The following NFIX variants were observed in gnomAD, a reference collection of about 807,000 sequenced individuals.
NFIX encodes the protein nuclear factor I X, also known as nuclear factor 1 X-type.
A neutral mutation model predicts 53.3 loss-of-function variants in NFIX; 2 were observed. That is an observed-to-expected ratio of 0.04 (90% CI 0.02 to 0.12). The LOEUF (loss-of-function observed/expected upper bound fraction) is 0.12. NFIX is among the 10% of genes least tolerant of loss of function. The probability of loss-of-function intolerance (pLI) is 1.00; values close to 1 mark genes in which losing one functional copy is unlikely to be tolerated. For missense variants in NFIX, 310 were observed against 674.5 expected, an observed-to-expected ratio of 0.46 and a Z score of 5.99; for synonymous variants, 244 against 289.0, an observed-to-expected ratio of 0.84 and a Z score of 1.58.
chr19:13,027,295 T>A lies in NFIX; in HGVS notation c.559+1743T>A, dbSNP rs2013443091. On this transcript the variant is annotated intron_variant, in intron 2 of 10. Coordinates refer to ENST00000592199, the MANE Select transcript of NFIX (RefSeq NM_001365902.3). The surrounding 1 kb of genome is among the most constrained non-coding windows in gnomAD (Gnocchi z 4.3). The stretch of plus-strand genomic sequence containing the variant: ...CCAGTCATTCCCCCTCCCTTCAGCT[T>A]GAATTTTTTCTTTTGTCTTTTTTCT... 6.6e-6 allele frequency among the ~76,000 whole-genome samples: 1 copy of A among 152,164 alleles called. No homozygotes were observed. Among genetic ancestry groups the A allele is most frequent in the Admixed American group, 6.5e-5 (1 of 15,278 alleles).
chr19:13,094,438 G>A lies in NFIX; in HGVS notation c.1495-197G>A, dbSNP rs2018320902. ...CACTAGGGGCAGAGTCTCTGAGGGG[G>A]CGGGGTTCTCGCAGGAGGGAGGGAG... On this transcript the variant is annotated intron_variant, in intron 10 of 10. Coordinates refer to ENST00000592199, the MANE Select transcript of NFIX (RefSeq NM_001365902.3). The surrounding 1 kb of genome is among the most constrained non-coding windows in gnomAD (Gnocchi z 4.3). Among the ~76,000 whole-genome samples the A allele has an allele frequency of 6.6e-6, 1 of 152,238 alleles. No individual in the cohort carries two copies. The highest frequency in any genetic ancestry group is 1.5e-5 in the Non-Finnish European group (1 of 68,042).
rs757961787 is a variant in NFIX at position 13,090,231 on chromosome 19, G to A, written c.1403-68G>A. On this transcript the variant is annotated intron_variant, in intron 9 of 10. Coordinates refer to ENST00000592199, the MANE Select transcript of NFIX (RefSeq NM_001365902.3). This position sits in a 1 kb window ranked among gnomAD's most constrained non-coding sequence, Gnocchi z 6.6. ...AGTCTCTCCCTCTCTCAGCAGCCCC[G>A]AGGGGCAGTGCCCAGGTGGGCCCCA... 8.5e-5 allele frequency: 123 copies of A among 1,446,770 alleles called. No homozygotes were observed. Among genetic ancestry groups the A allele is most frequent in the South Asian group, 2.5e-4 (22 of 87,694 alleles). The allele number at this position is 1,446,770 out of a possible 1,614,324, so 89.6% of individuals were successfully genotyped here.
intron 2 of NFIX, among the ~76,000 whole-genome samples, chr19:13,026,062 G>A (rs1176154289): frequency 6.6e-6 from 1 of 152,144 alleles, no homozygotes; most frequent in East Asian, 1.9e-4. Flanking sequence ...GTGAAACCCT[G>A]GGATATGAGA....
In NFIX at chr19:13,078,434, G is replaced by A. The variant is rs956603780; in HGVS notation, c.956-179G>A. ...TTGGCTGGCCTACACACAGGGCCTC[G>A]GAACCAGGCCTAGAACAAGGCCTGG... On this transcript the variant is annotated intron_variant, in intron 6 of 10. Transcript: ENST00000592199. This position sits in a 1 kb window ranked among gnomAD's most constrained non-coding sequence, Gnocchi z 4.7. 4.6e-5 allele frequency among the ~76,000 whole-genome samples: 7 copies of A among 152,148 alleles called. No homozygotes were observed. Among genetic ancestry groups the A allele is most frequent in the African/African-American group, 1.7e-4 (7 of 41,426 alleles).
Position 13,006,142 on chromosome 19 carries a change from G to A in NFIX, c.27+10278G>A, listed in dbSNP as rs2012003083. ...GGGAGTGTCCAGTCCTTGAGATGGC[G>A]CTAGGTGCTGTGGGAAGAACAGAGC... On this transcript the variant is annotated intron_variant, in intron 1 of 10. Coordinates refer to ENST00000592199, the MANE Select transcript of NFIX (RefSeq NM_001365902.3). This position sits in a 1 kb window ranked among gnomAD's most constrained non-coding sequence, Gnocchi z 5.6. 6.6e-6 allele frequency among the ~76,000 whole-genome samples: 1 copy of A among 152,218 alleles called. No homozygotes were observed. Among genetic ancestry groups the A allele is most frequent in the Admixed American group, 6.5e-5 (1 of 15,284 alleles).
In NFIX at chr19:13,066,581, G is replaced by A. The variant is rs935290729; in HGVS notation, c.560-6466G>A. Among the ~76,000 whole-genome samples the A allele has an allele frequency of 5.9e-5, 9 of 152,276 alleles. No homozygotes were observed. The highest frequency in any genetic ancestry group is 1.2e-4 in the Non-Finnish European group (8 of 68,014). ...GGAAAGGGGAGAGGACGATAATGGGGTGACATGTTCCCCTGTCCTTATCCC... is the reference window on the plus strand; with the variant it reads ...GGAAAGGGGAGAGGACGATAATGGGATGACATGTTCCCCTGTCCTTATCCC... On this transcript the variant is annotated intron_variant, in intron 2 of 10. Transcript: ENST00000592199. This position sits in a 1 kb window ranked among gnomAD's most constrained non-coding sequence, Gnocchi z 4.2.
At chr19:13,031,518 A>C (rs1482932718) in intron 2 of NFIX, among the ~76,000 whole-genome samples, 3 of 152,160 alleles carry the variant, frequency 2.0e-5, no homozygotes, top group African/African-American at 7.2e-5. Flanking sequence ...CATGAAATGC[A>C]CACTTAGTCA....
In NFIX at chr19:13,073,215, C is replaced by A; in HGVS notation, c.622+106C>A. 8.5e-7 allele frequency: 1 copy of A among 1,172,588 alleles called. No individual in the cohort carries two copies. Among genetic ancestry groups the A allele is most frequent in the Non-Finnish European group, 1.3e-6 (1 of 779,544 alleles). 72.6% of individuals were successfully genotyped at this position (1,172,588 alleles called of 1,614,324 possible). The stretch of plus-strand genomic sequence containing the variant: ...CCCTCACTTCTTCCCCTTCATTCAG[C>A]TGTCCCTTGACTGAGCTTAGCTTGC... On this transcript the variant is annotated intron_variant, in intron 3 of 10. Transcript: ENST00000592199. The surrounding 1 kb of genome is among the most constrained non-coding windows in gnomAD (Gnocchi z 4.5).
intron 2 of NFIX, chr19:13,069,933 A>T (rs2016672268): frequency 6.6e-6 from 1 of 152,286 alleles, no homozygotes; most frequent in African/African-American, 2.4e-5. Flanking sequence ...TTTCTGTCCC[A>T]AATCCCAGGG....
At chr19:13,007,217 C>T (rs745456335) in intron 1 of NFIX, among the ~76,000 whole-genome samples, 5 of 152,004 alleles carry the variant, frequency 3.3e-5, no homozygotes, top group Non-Finnish European at 5.9e-5. Flanking sequence ...CCAAACCCGC[C>T]GCCATCGTTG....
rs1486637141 is a variant in NFIX at position 13,067,527 on chromosome 19, C to T, written c.560-5520C>T. On this transcript the variant is annotated intron_variant, in intron 2 of 10. Coordinates refer to ENST00000592199, the MANE Select transcript of NFIX (RefSeq NM_001365902.3). This position sits in a 1 kb window ranked among gnomAD's most constrained non-coding sequence, Gnocchi z 4.2. ...GTGTATGTGTGTGTCTGAGTCTGAG[C>T]ATATGAGTGTATGCATCCAAGTGTA... Among the ~76,000 whole-genome samples, 1 of 151,514 alleles carries T rather than the reference C, an allele frequency of 6.6e-6. No individual in the cohort carries two copies. The highest frequency in any genetic ancestry group is 1.5e-5 in the Non-Finnish European group (1 of 67,928).
chr19:13,042,496 A>AG (rs749456085), intron 2 of NFIX, among the ~76,000 whole-genome samples: 3 of 151,014 alleles, frequency 2.0e-5, no homozygotes, highest in Non-Finnish European at 2.9e-5. Context: ...CTGGGTTTAC[A>AG]GGTGTGCGCC....
rs577882945 is a variant in NFIX at position 13,003,109 on chromosome 19, G to A, written c.27+7245G>A. ...GAATCATCTTGGGGAGTTGGGGGGG[G>A]GTTTATTCCGGGTCCATCTCACACA... On this transcript the variant is annotated intron_variant, in intron 1 of 10. Coordinates refer to ENST00000592199, the MANE Select transcript of NFIX (RefSeq NM_001365902.3). Among the ~76,000 whole-genome samples, 38 of 152,022 alleles carry A rather than the reference G, an allele frequency of 2.5e-4. 1 individual carries two copies. The highest frequency in any genetic ancestry group is 2.4e-3 in the Admixed American group (37 of 15,268).
chr19:13,021,867 C>T lies in NFIX; in HGVS notation c.28-3154C>T, dbSNP rs977999155. 6.6e-6 allele frequency among the ~76,000 whole-genome samples: 1 copy of T among 152,062 alleles called. No individual in the cohort carries two copies. The highest frequency in any genetic ancestry group is 2.4e-5 in the African/African-American group (1 of 41,400). ...GGTCACTTCTCTGTGACTTGATTTC[C>T]CCCAGGTGGCCTGTTTTTGATAGAG... On this transcript the variant is annotated intron_variant, in intron 1 of 10. Coordinates refer to ENST00000592199, the MANE Select transcript of NFIX (RefSeq NM_001365902.3). The surrounding 1 kb of genome is among the most constrained non-coding windows in gnomAD (Gnocchi z 4.2).
At chr19:13,086,216 G>T (rs988798219) in intron 8 of NFIX, among the ~76,000 whole-genome samples, 6 of 152,228 alleles carry the variant, frequency 3.9e-5, no homozygotes, top group African/African-American at 7.2e-5. Flanking sequence ...AGAGGCATCC[G>T]TGGGGGCCTT....
chr19:13,086,211 C>T (rs1201271782), intron 8 of NFIX, among the ~76,000 whole-genome samples: 1 of 152,194 alleles, frequency 6.6e-6, no homozygotes, highest in Non-Finnish European at 1.5e-5. Context: ...CCAGTAGAGG[C>T]ATCCGTGGGG....
At position 13,052,360 on chromosome 19, in the gene NFIX, G is replaced by A. The variant is rs1367746199; in HGVS notation, c.560-20687G>A. 1.3e-5 allele frequency among the ~76,000 whole-genome samples: 2 copies of A among 152,194 alleles called. No individual in the cohort carries two copies. The highest frequency in any genetic ancestry group is 6.5e-5 in the Admixed American group (1 of 15,290). On this transcript the variant is annotated intron_variant, in intron 2 of 10. Transcript: ENST00000592199. The surrounding 1 kb of genome is among the most constrained non-coding windows in gnomAD (Gnocchi z 5.2). ...CTGCTGGCCATCTAGGCTGGGGGTA[G>A]AGCCCAGATGGGAGCCCACCTGGAT...
At chr19:13,086,153 C>T (rs761604429) in intron 8 of NFIX, among the ~76,000 whole-genome samples, 1 of 152,210 alleles carries the variant, frequency 6.6e-6, no homozygotes, top group African/African-American at 2.4e-5. Context: ...GTTCCGGAAA[C>T]CCCAGTCAGT....
At chr19:12,999,981 C>T (rs977424201) in intron 1 of NFIX, among the ~76,000 whole-genome samples, 5 of 152,176 alleles carry the variant, frequency 3.3e-5, no homozygotes, top group East Asian at 1.9e-4. Flanking sequence ...GCTGGGGCTC[C>T]GTGAGATGTT....
Sources: gnomAD v4.1 joint callset for allele counts (sites outside exome capture counted in the v4.1 genomes callset) on GRCh38, gnomAD v4.1.1 for gene constraint, Gnocchi (gnomAD v3.1) non-coding constraint, MANE v1.5 for transcripts, NCBI Gene and HGNC (gene_info 2026-07-23, HGNC 2026-07-21) for gene names.